The following DNAH7 variants were observed in gnomAD, a reference collection of about 807,000 sequenced individuals.
DNAH7 encodes dynein axonemal heavy chain 7, also known as axonemal beta dynein heavy chain 7.
DNAH7 carries 397 observed loss-of-function variants against 444.6 expected under a neutral mutation model. The observed-to-expected ratio is 0.89, with a 90% CI of 0.82 to 0.97. The LOEUF is 0.97. Among genes scored for constraint, DNAH7 ranks in the 50% least tolerant of loss-of-function variants. The pLI is 0.00. For synonymous variants in DNAH7, 1,636 were observed against 1,624.4 expected (o/e 1.01, Z -0.17); for missense variants, 4,902 against 4,800.8 (o/e 1.02, Z -0.62).
intron 36 of DNAH7, among the ~76,000 whole-genome samples, chr2:195,879,927 C>T (rs16841400): frequency 0.098 from 14,934 of 152,120 alleles, 852 homozygotes; most frequent in African/African-American, 0.15. Context: ...TTAAAACTCC[C>T]TCAACAGATT....
At chr2:195,775,553 T>C (rs1695020850) in intron 60 of DNAH7, among the ~76,000 whole-genome samples, 1 of 151,490 alleles carries the variant, frequency 6.6e-6, no homozygotes, top group Non-Finnish European at 1.5e-5. Flanking sequence ...ACACAATGTA[T>C]GATGTATTTA....
intron 58 of DNAH7, among the ~76,000 whole-genome samples, chr2:195,784,269 A>G (rs930489164): frequency 2.6e-5 from 4 of 151,712 alleles, no homozygotes; most frequent in African/African-American, 4.8e-5. Flanking sequence ...TTTTTTTCCT[A>G]CCTAAGCCTT....
chr2:195,856,294 A>T (rs956730510), intron 44 of DNAH7, among the ~76,000 whole-genome samples: 1 of 152,206 alleles, frequency 6.6e-6, no homozygotes, highest in Non-Finnish European at 1.5e-5. Flanking sequence ...TGTTATTAGA[A>T]GCCTAATTGG....
rs970160706 is a variant in DNAH7, at chr2:195,957,368, C to A, written c.2971G>T (p.Glu991Ter). ...LKVQATWLYL[E>*]PIFSSPDIMS... ...ATGTCTGGAGAGCTGAAAATGGGCT[C>A]CAGATACAGCCACGTGGCTTGGACT... Residue 991 changes from glutamate to a stop codon, truncating the protein, a stop_gained, in exon 19 of 65, where the codon GAG becomes TAG. Coordinates refer to ENST00000312428, the MANE Select transcript of DNAH7 (RefSeq NM_018897.3). LOFTEE classifies it high-confidence loss of function. 9.3e-6 allele frequency: 15 copies of A among 1,606,210 alleles called. No individual in the cohort carries two copies. Among genetic ancestry groups the A allele is most frequent in the Non-Finnish European group, 1.3e-5 (15 of 1,174,816 alleles).
intron 15 of DNAH7, among the ~76,000 whole-genome samples, chr2:195,972,813 T>G (rs972394825): frequency 6.6e-6 from 1 of 152,180 alleles, no homozygotes; most frequent in African/African-American, 2.4e-5. Flanking sequence ...CCTGACACTG[T>G]GCCAGGTGCT....
chr2:195,927,663 T>A lies in DNAH7; in HGVS notation c.3472-1097A>T, dbSNP rs183218476. Among the ~76,000 whole-genome samples, 316 of 151,974 alleles carry A rather than the reference T, an allele frequency of 2.1e-3. 1 individual carries two copies. The highest frequency in any genetic ancestry group is 7.1e-3 in the African/African-American group (296 of 41,504). On this transcript the variant is annotated intron_variant, in intron 21 of 64. Coordinates refer to ENST00000312428, the MANE Select transcript of DNAH7 (RefSeq NM_018897.3). ...TGGATCACAAAAAGGGATTTCTATATAGTTAGATGAGGAGAAATATGATTA... is the reference window on the plus strand; with the variant it reads ...TGGATCACAAAAAGGGATTTCTATAAAGTTAGATGAGGAGAAATATGATTA...
Position 196,012,872 on chromosome 2 carries a change from T to A in DNAH7, c.904A>T (p.Asn302Tyr). 1 of 1,527,442 alleles carries A rather than the reference T, an allele frequency of 6.5e-7. No homozygotes were observed. Among genetic ancestry groups the A allele is most frequent in the African/African-American group, 1.4e-5 (1 of 71,084 alleles). The allele number at this position is 1,527,442 out of a possible 1,614,324, so 94.6% of individuals were successfully genotyped here. A position where few individuals can be genotyped will look rare whatever the true frequency, so the allele number is the denominator to read the frequency against. Residue 302 changes from asparagine (N) to tyrosine (Y), a missense_variant, in exon 10 of 65, where the codon AAT (asparagine) becomes TAT (tyrosine). Asn to Tyr is a moderately radical substitution (Grantham distance 143). Coordinates refer to ENST00000312428, the MANE Select transcript of DNAH7 (RefSeq NM_018897.3). ...LRLVDIKEFHNCQDALELSSF... is the reference protein window; with the variant it reads ...LRLVDIKEFHYCQDALELSSF... ...GACAGCTCTAATGCATCCTGGCAAT[T>A]ATGAAATTCTTTGATATCAACTAAA...
At chr2:196,026,100 G>A (rs780866993) in intron 7 of DNAH7, among the ~76,000 whole-genome samples, 7 of 152,030 alleles carry the variant, frequency 4.6e-5, no homozygotes, top group African/African-American at 7.3e-5. Context: ...AACTATTTTC[G>A]ACTTTGTGGG....
Position 196,028,038 on chromosome 2 carries a change from ATCT to A in DNAH7, c.405_407del (p.Gln135_Asp136delinsHis). On this transcript the variant is annotated inframe_deletion, in exon 6 of 65. Transcript: ENST00000312428. ...CAGGGACAGCTGAGTCTAAGTCAGC[ATCT>A]TGTTGCCTAAGAAAATGATAAACAT... The A allele has an allele frequency of 6.2e-7, 1 of 1,606,794 alleles. No homozygotes were observed.
rs1191919881 is a variant in DNAH7 at position 195,831,217 on chromosome 2, A to G, written c.9100+2989T>C. The stretch of plus-strand genomic sequence containing the variant: ...TTATGCACACTTTATCCATTGGCAT[A>G]GCTAATACAGATGTACCTTTATTTT... On this transcript the variant is annotated intron_variant, in intron 48 of 64. Coordinates refer to ENST00000312428, the MANE Select transcript of DNAH7 (RefSeq NM_018897.3). Among the ~76,000 whole-genome samples the G allele has an allele frequency of 2.0e-5, 3 of 152,240 alleles. No individual in the cohort carries two copies. In the East Asian group the frequency reaches 5.8e-4, roughly 29 times the overall value.
chr2:195,973,355 T>C (rs1691973799), intron 15 of DNAH7, among the ~76,000 whole-genome samples: 1 of 152,222 alleles, frequency 6.6e-6, no homozygotes, highest in Non-Finnish European at 1.5e-5. Flanking sequence ...TGGGTGGGTA[T>C]TGGGCGCGTG....
In DNAH7 at chr2:195,864,357, A is replaced by T; in HGVS notation, c.7298T>A (p.Ile2433Lys). The T allele has an allele frequency of 6.2e-7, 1 of 1,614,118 alleles. No individual in the cohort carries two copies. Among genetic ancestry groups the T allele is most frequent in the African/African-American group, 1.3e-5 (1 of 75,022 alleles). Residue 2433 changes from isoleucine to lysine, a missense_variant, in exon 41 of 65, where the codon ATA (isoleucine) becomes AAA (lysine). Physicochemically the swap from Ile to Lys is moderately radical, Grantham distance 102. Transcript: ENST00000312428. Reference protein sequence around the residue: ...NLFALDEKQEICDKMRQLDRQ... With the variant: ...NLFALDEKQEKCDKMRQLDRQ... ...ATCTAACTGACGCATCTTATCACATATCTCTTGCTTCTCATCTAATGCAAA... is the reference window on the plus strand; with the variant it reads ...ATCTAACTGACGCATCTTATCACATTTCTCTTGCTTCTCATCTAATGCAAA...
In DNAH7 at chr2:195,796,637, AC is replaced by A. The variant is rs534989756; in HGVS notation, c.10453del (p.Val3485LeufsTer23). ...GGCAAGGTGACAATTCTGAAGAACA[AC>A]CCATGTTCCTTCCTTGACAGCTTTT... ...LEKAVKEGTW[V>X]VLQNCHLATS... is the part of the protein sequence containing the mutation. On this transcript the variant is annotated frameshift_variant, in exon 56 of 65. Coordinates refer to ENST00000312428, the MANE Select transcript of DNAH7 (RefSeq NM_018897.3). LOFTEE classifies it high-confidence loss of function. The A allele has an allele frequency of 5.7e-4, 925 of 1,614,140 alleles. 3 individuals are homozygous for A. Among genetic ancestry groups the A allele is most frequent in the Non-Finnish European group, 6.4e-4 (750 of 1,179,992 alleles).
rs752384515 is a variant in DNAH7, at chr2:195,794,520, T to C, written c.10534A>G (p.Thr3512Ala). ...KVCEELSPES[T>A]HPDFRMWLTS... is the part of the protein sequence containing the mutation. ...AGCCACATTCGGAAATCTGGATGTG[T>C]TGACTCTGGGCTTAACTCCTGTAAG... The change falls in exon 57 of 65, where the codon ACA becomes GCA. Residue 3512 changes from threonine (T) to alanine (A), a missense_variant. Thr to Ala is a moderately conservative substitution (Grantham distance 58). Coordinates refer to ENST00000312428, the MANE Select transcript of DNAH7 (RefSeq NM_018897.3). 5 of 1,614,044 alleles carry C rather than the reference T, an allele frequency of 3.1e-6. No homozygotes were observed. Among genetic ancestry groups the C allele is most frequent in the African/African-American group, 2.7e-5 (2 of 74,936 alleles).
intron 10 of DNAH7, among the ~76,000 whole-genome samples, 198 bp from the exon 11 acceptor site, chr2:196,002,056 G>A (rs1036057129): frequency 1.3e-5 from 2 of 152,126 alleles, no homozygotes; most frequent in Non-Finnish European, 2.9e-5. Context: ...TTAGCCAATA[G>A]AAAATTACTC....
At chr2:195,768,535 C>T (rs898704301) in intron 61 of DNAH7, among the ~76,000 whole-genome samples, 10 of 151,712 alleles carry the variant, frequency 6.6e-5, no homozygotes, top group Admixed American at 1.3e-4. Context: ...GCTTTGCATA[C>T]GTGTGCATGT....
intron 48 of DNAH7, among the ~76,000 whole-genome samples, chr2:195,833,590 C>A (rs1003006465): frequency 1.3e-5 from 2 of 152,130 alleles, no homozygotes; most frequent in African/African-American, 4.8e-5. Flanking sequence ...TGACTAATAA[C>A]CCCAATTTAC....
intron 8 of DNAH7, among the ~76,000 whole-genome samples, chr2:196,022,457 C>T (rs750673436): frequency 6.6e-6 from 1 of 152,202 alleles, no homozygotes; most frequent in African/African-American, 2.4e-5. Flanking sequence ...TATTCTAAAT[C>T]CTTTGTTGTC....
chr2:195,756,374 T>G, intron 61 of DNAH7, 89 bp from the exon 62 acceptor site: 1 of 1,177,956 alleles, frequency 8.5e-7, no homozygotes, highest in Non-Finnish European at 1.1e-6. Flanking sequence ...TTCATGATTA[T>G]CCTTTGTTTA....
Sources: gnomAD v4.1 joint callset for allele counts (sites outside exome capture counted in the v4.1 genomes callset) on GRCh38, gnomAD v4.1.1 for gene constraint, MANE v1.5 for transcripts, NCBI Gene and HGNC (gene_info 2026-07-23, HGNC 2026-07-21) for gene names.